Variants in KCNH1 observed in about 807,000 individuals in gnomAD.
KCNH1 encodes potassium voltage-gated channel subfamily H member 1.
In KCNH1, 27 loss-of-function variants were observed where a neutral mutation model predicts 69.2. The ratio of observed to expected loss-of-function variants is 0.39; its 90% CI spans 0.29 to 0.54. The LOEUF (loss-of-function observed/expected upper bound fraction) is 0.54, where lower values mean the gene tolerates loss of function less well. KCNH1 is among the 20% of genes least tolerant of loss of function. The pLI, the probability that KCNH1 is intolerant of heterozygous loss-of-function variation, is 0.68. For synonymous variants in KCNH1, 456 were observed against 487.7 expected (o/e 0.93, Z 0.86); for missense variants, 798 against 1,261.6 (o/e 0.63, Z 5.57).
chr1:211,107,647 G>T (rs888581966), intron 1 of KCNH1, among the ~76,000 whole-genome samples: 1 of 152,164 alleles, frequency 6.6e-6, no homozygotes, highest in Non-Finnish European at 1.5e-5. Flanking sequence ...AACAAATCCT[G>T]CAGAAACTCA....
chr1:210,797,378 A>G lies in KCNH1; in HGVS notation c.1915+130T>C, dbSNP rs1244638367. The stretch of plus-strand genomic sequence containing the variant: ...CTCTCGCCGTTTGATTGTTGGATAG[A>G]TAAGTGAATATTAGCAATTGGCCCT... On this transcript the variant is annotated intron_variant, in intron 9 of 10. Coordinates refer to ENST00000271751, the MANE Select transcript of KCNH1 (RefSeq NM_172362.3). 15 of 980,698 alleles carry G rather than the reference A, an allele frequency of 1.5e-5. No individual in the cohort carries two copies. The South Asian group carries it at 2.3e-4, about 15-fold the overall frequency. The allele number at this position is 980,698 out of a possible 1,614,324, so 60.7% of individuals were successfully genotyped here.
chr1:211,079,382 A>G (rs531046028), intron 5 of KCNH1, among the ~76,000 whole-genome samples: 1 of 152,368 alleles, frequency 6.6e-6, no homozygotes, highest in Non-Finnish European at 1.5e-5. Context: ...AAATTCTACC[A>G]GAGCTACAAA....
At chr1:210,910,196 C>A (rs1182314553) in intron 7 of KCNH1, among the ~76,000 whole-genome samples, 1 of 132,706 alleles carries the variant, frequency 7.5e-6, no homozygotes, top group African/African-American at 2.9e-5. Flanking sequence ...AAAAAAATTT[C>A]ATCAAATTGG....
intron 7 of KCNH1, among the ~76,000 whole-genome samples, chr1:210,817,834 G>A (rs569909475): frequency 1.3e-4 from 20 of 152,288 alleles, no homozygotes; most frequent in African/African-American, 3.6e-4. Context: ...CTGAACCTTT[G>A]TACCAGTGCT....
intron 10 of KCNH1, among the ~76,000 whole-genome samples, chr1:210,734,378 A>G (rs1348743751): frequency 6.6e-6 from 1 of 152,102 alleles, no homozygotes. Flanking sequence ...GTACTTCTTA[A>G]GTCTTCTCAC....
At chr1:210,807,065 C>G (rs1258734330) in intron 7 of KCNH1, among the ~76,000 whole-genome samples, 2 of 149,818 alleles carry the variant, frequency 1.3e-5, no homozygotes, top group Non-Finnish European at 3.0e-5. Context: ...TTCTGTGTAC[C>G]CTTCACCCAG....
chr1:210,750,407 G>C (rs564687967), intron 10 of KCNH1, among the ~76,000 whole-genome samples: 1 of 152,102 alleles, frequency 6.6e-6, no homozygotes, highest in African/African-American at 2.4e-5. Flanking sequence ...AATAGACTCA[G>C]CTGCATCGAA....
chr1:211,089,835 C>T (rs1180539634), intron 4 of KCNH1, among the ~76,000 whole-genome samples: 1 of 152,168 alleles, frequency 6.6e-6, no homozygotes, highest in East Asian at 1.9e-4. Context: ...TGCTATGTCA[C>T]CCCCTTATCC....
At chr1:210,937,718 G>T (rs1037154522) in intron 6 of KCNH1, among the ~76,000 whole-genome samples, 1 of 152,072 alleles carries the variant, frequency 6.6e-6, no homozygotes, top group Non-Finnish European at 1.5e-5. Context: ...ATGTTTTCCT[G>T]GTCTTTCCAA....
rs182236260 is a variant in KCNH1, at chr1:211,103,344, C to T, written c.310+152G>A. The T allele has an allele frequency of 2.1e-3, 1,169 of 551,454 alleles. 15 individuals are homozygous for T. The highest frequency in any genetic ancestry group is 4.4e-4 in the Non-Finnish European group (136 of 309,178). The allele number at this position is 551,454 out of a possible 1,614,324, so 34.2% of individuals were successfully genotyped here. A position where few individuals can be genotyped will look rare whatever the true frequency, so the allele number is the denominator to read the frequency against. ...GTGAGAAACAGTGTAAGTGATCAATCTATATCATCCATCCCAACATACACA... is the reference window on the plus strand; with the variant it reads ...GTGAGAAACAGTGTAAGTGATCAATTTATATCATCCATCCCAACATACACA... On this transcript the variant is annotated intron_variant, in intron 3 of 10. Coordinates refer to ENST00000271751, the MANE Select transcript of KCNH1 (RefSeq NM_172362.3).
At chr1:210,963,592 C>T (rs1304100796) in intron 6 of KCNH1, among the ~76,000 whole-genome samples, 3 of 152,000 alleles carry the variant, frequency 2.0e-5, no homozygotes, top group East Asian at 1.9e-4. Flanking sequence ...TATAGAAGAA[C>T]ATAAATGACC....
intron 10 of KCNH1, among the ~76,000 whole-genome samples, chr1:210,727,879 A>T (rs185128227): frequency 9.8e-5 from 15 of 152,342 alleles, no homozygotes; most frequent in African/African-American, 3.4e-4. Flanking sequence ...CTGCACAGCT[A>T]ATCTCAAGGG....
intron 7 of KCNH1, among the ~76,000 whole-genome samples, chr1:210,851,345 A>G (rs956971707): frequency 5.9e-5 from 9 of 152,214 alleles, no homozygotes; most frequent in African/African-American, 2.2e-4. Flanking sequence ...ACCTACTTCT[A>G]TCATCCCAAC....
intron 7 of KCNH1, among the ~76,000 whole-genome samples, chr1:210,814,026 C>A (rs1684764484): frequency 2.0e-5 from 3 of 152,146 alleles, no homozygotes; most frequent in Non-Finnish European, 4.4e-5. Context: ...GTGCATTAAA[C>A]CACTTTTTTT....
chr1:210,880,216 T>A (rs1686465944), intron 7 of KCNH1, among the ~76,000 whole-genome samples: 1 of 152,146 alleles, frequency 6.6e-6, no homozygotes, highest in Non-Finnish European at 1.5e-5. Context: ...AAGTGAGTTA[T>A]TCTGTGGACA....
At chr1:211,034,678 T>C (rs897694765) in intron 5 of KCNH1, among the ~76,000 whole-genome samples, 1 of 152,210 alleles carries the variant, frequency 6.6e-6, no homozygotes, top group South Asian at 2.1e-4. Flanking sequence ...CAACTGAATG[T>C]AGATGAATTA....
At chr1:210,759,595 T>A (rs1683473381) in intron 10 of KCNH1, among the ~76,000 whole-genome samples, 1 of 152,004 alleles carries the variant, frequency 6.6e-6, no homozygotes, top group Admixed American at 6.6e-5. Flanking sequence ...GTCCTTTGAA[T>A]TAACCCAAAT....
At chr1:210,727,139 T>C (rs1934623) in intron 10 of KCNH1, among the ~76,000 whole-genome samples, 31,201 of 152,142 alleles carry the variant, frequency 0.21, 3,352 homozygotes, top group East Asian at 0.41. Context: ...TTCCTCATAC[T>C]GTAGGAGAAA....
intron 6 of KCNH1, among the ~76,000 whole-genome samples, chr1:211,014,348 C>T (rs890103681): frequency 7.2e-5 from 11 of 152,152 alleles, no homozygotes; most frequent in African/African-American, 2.7e-4. Context: ...GCTCTGTTTC[C>T]AGACCTTTTA....
Sources: gnomAD v4.1 joint callset for allele counts (sites outside exome capture counted in the v4.1 genomes callset) on GRCh38, gnomAD v4.1.1 for gene constraint, MANE v1.5 for transcripts, NCBI Gene and HGNC (gene_info 2026-07-23, HGNC 2026-07-21) for gene names.